HDAC8: variants seen among roughly 807,000 people sequenced by gnomAD.
The protein encoded by HDAC8 is histone deacetylase-like 1.
HDAC8 carries 1 observed loss-of-function variant against 32.2 expected under a neutral mutation model. The ratio of observed to expected loss-of-function variants is 0.03; its 90% CI spans 0.01 to 0.15. The LOEUF is 0.15. Ranked by LOEUF, HDAC8 falls within the 10% of genes least tolerant of loss-of-function variation. HDAC8 has a pLI of 1.00. For missense variants in HDAC8, 117 were observed against 300.0 expected, an observed-to-expected ratio of 0.39 and a Z score of 4.51; for synonymous variants, 108 against 113.9, an observed-to-expected ratio of 0.95 and a Z score of 0.33.
chrX:72,411,344 A>G (rs995200087), intron 9 of HDAC8, among the ~76,000 whole-genome samples: 1 of 111,677 alleles, frequency 9.0e-6, no homozygotes, highest in Admixed American at 9.5e-5. Flanking sequence ...ACCTTTTCAT[A>G]TGCTGTTCCC....
chrX:72,496,800 C>T (rs2049038384), intron 4 of HDAC8, among the ~76,000 whole-genome samples: 1 of 106,859 alleles, frequency 9.4e-6, no homozygotes, highest in Non-Finnish European at 1.9e-5. Flanking sequence ...AAAAAAAAAC[C>T]AATCATCCAA....
At chrX:72,338,125 A>G (rs2043765005) in intron 10 of HDAC8, among the ~76,000 whole-genome samples, 1 of 111,377 alleles carries the variant, frequency 9.0e-6, no homozygotes, top group Non-Finnish European at 1.9e-5. Flanking sequence ...CACAGAAAAC[A>G]TCTTGTGTGT....
intron 10 of HDAC8, among the ~76,000 whole-genome samples, chrX:72,341,616 A>T (rs2043890483): frequency 8.9e-6 from 1 of 111,909 alleles, no homozygotes; most frequent in South Asian, 3.7e-4. Flanking sequence ...CCACCTCCAA[A>T]GCAGACAGAC....
intron 2 of HDAC8, among the ~76,000 whole-genome samples, chrX:72,571,292 G>A (rs1411151814): frequency 9.0e-6 from 1 of 111,184 alleles, no homozygotes; most frequent in Non-Finnish European, 1.9e-5. Context: ...TTGTCTAAAA[G>A]TCTTAGGTTG....
At chrX:72,389,418 G>A (rs1569262492) in intron 9 of HDAC8, among the ~76,000 whole-genome samples, 1 of 112,045 alleles carries the variant, frequency 8.9e-6, no homozygotes, top group Non-Finnish European at 1.9e-5. Flanking sequence ...GAAGCAGAGA[G>A]CCTAGGTTTT....
chrX:72,389,493 C>T (rs1187428263), intron 9 of HDAC8, among the ~76,000 whole-genome samples: 1 of 111,794 alleles, frequency 8.9e-6, no homozygotes, highest in African/African-American at 3.3e-5. Flanking sequence ...AGAGCACTGA[C>T]CTTATGAGAG....
At chrX:72,475,285 G>A (rs1482291750) in intron 7 of HDAC8, among the ~76,000 whole-genome samples, 1 of 112,184 alleles carries the variant, frequency 8.9e-6, no homozygotes, top group Non-Finnish European at 1.9e-5. Context: ...CTAACGCTTT[G>A]AATTCTCAAT....
chrX:72,396,084 G>C (rs1555965536), intron 9 of HDAC8, among the ~76,000 whole-genome samples: 2 of 111,776 alleles, frequency 1.8e-5, no homozygotes, highest in Admixed American at 9.5e-5. Context: ...ATTGCCCAAG[G>C]TCACACGAGC....
chrX:72,414,731 T>G (rs1413257703), intron 9 of HDAC8, among the ~76,000 whole-genome samples: 1 of 110,649 alleles, frequency 9.0e-6, no homozygotes, highest in African/African-American at 3.3e-5. Context: ...GGGAGGGAGG[T>G]GTGTCCACTT....
At chrX:72,465,141 A>T (rs1204261275) in intron 7 of HDAC8, among the ~76,000 whole-genome samples, 1 of 111,616 alleles carries the variant, frequency 9.0e-6, no homozygotes, top group Non-Finnish European at 1.9e-5. Context: ...TGAGGACCAT[A>T]CTTGGAGTTT....
chrX:72,348,006 T>C (rs1053658627), intron 10 of HDAC8, among the ~76,000 whole-genome samples: 1 of 111,986 alleles, frequency 8.9e-6, no homozygotes, highest in African/African-American at 3.2e-5. Context: ...AGGTCTAAAT[T>C]TGCCTGTCCC....
At chrX:72,419,841 T>C (rs1413129409) in intron 9 of HDAC8, among the ~76,000 whole-genome samples, 2 of 111,842 alleles carry the variant, frequency 1.8e-5, no homozygotes, top group African/African-American at 6.5e-5. Context: ...GTCAAATATT[T>C]TTCTGCATCT....
At chrX:72,437,284 C>T (rs1042214700) in intron 9 of HDAC8, among the ~76,000 whole-genome samples, 3 of 111,621 alleles carry the variant, frequency 2.7e-5, no homozygotes, top group African/African-American at 9.8e-5. Flanking sequence ...GGGACTGTGC[C>T]GTGAGGAATG....
chrX:72,563,273 G>A (rs1242271327), intron 4 of HDAC8, among the ~76,000 whole-genome samples: 1 of 111,832 alleles, frequency 8.9e-6, no homozygotes, highest in South Asian at 3.8e-4. Context: ...GCATAAGGCT[G>A]GGCATGGTGG....
chrX:72,527,604 T>G (rs1467342118), intron 4 of HDAC8, among the ~76,000 whole-genome samples: 3 of 110,866 alleles, frequency 2.7e-5, no homozygotes, highest in African/African-American at 9.9e-5. Flanking sequence ...AATAAACACC[T>G]TCTTGACTTT....
intron 9 of HDAC8, among the ~76,000 whole-genome samples, chrX:72,420,923 C>T (rs2046469830): frequency 9.0e-6 from 1 of 110,725 alleles, no homozygotes; most frequent in South Asian, 3.8e-4. Context: ...CCAATCTCTG[C>T]CTTTTGATTG....
intron 9 of HDAC8, among the ~76,000 whole-genome samples, chrX:72,358,164 G>A (rs1316547757): frequency 2.7e-5 from 3 of 111,045 alleles, no homozygotes; most frequent in Non-Finnish European, 5.7e-5. Flanking sequence ...TGATCCGCTC[G>A]CCTCAGCCTC....
intron 4 of HDAC8, among the ~76,000 whole-genome samples, chrX:72,539,979 C>A (rs2050651681): frequency 2.7e-5 from 3 of 112,090 alleles, no homozygotes; most frequent in Non-Finnish European, 5.6e-5. Context: ...CCAGAGGAAC[C>A]GCATCCTTCA....
intron 9 of HDAC8, among the ~76,000 whole-genome samples, chrX:72,394,840 T>C (rs1389226741): frequency 8.9e-6 from 1 of 112,049 alleles, no homozygotes; most frequent in East Asian, 2.8e-4. Context: ...TAAGACAGTA[T>C]CTTATTTATT....
Sources: gnomAD v4.1 joint callset for allele counts (sites outside exome capture counted in the v4.1 genomes callset) on GRCh38, gnomAD v4.1.1 for gene constraint, MANE v1.5 for transcripts, NCBI Gene and HGNC (gene_info 2026-07-23, HGNC 2026-07-21) for gene names.